Variants in FNDC3B observed in about 807,000 individuals in gnomAD.
FNDC3B encodes the protein fibronectin type III domain-containing protein 3B.
In FNDC3B, 12 loss-of-function variants were observed where a neutral mutation model predicts 151.5. The ratio of observed to expected loss-of-function variants is 0.08; its 90% CI spans 0.05 to 0.13. FNDC3B has a LOEUF of 0.13. Ranked by LOEUF, FNDC3B falls within the 10% of genes least tolerant of loss-of-function variation. The pLI, the probability that FNDC3B is intolerant of heterozygous loss-of-function variation, is 1.00. For synonymous variants in FNDC3B, 528 were observed against 549.0 expected (o/e 0.96, Z 0.54); for missense variants, 1,214 against 1,505.3 (o/e 0.81, Z 3.20).
chr3:172,177,328 C>T (rs1723646048), intron 3 of FNDC3B, among the ~76,000 whole-genome samples: 1 of 152,210 alleles, frequency 6.6e-6, no homozygotes, highest in Non-Finnish European at 1.5e-5. Flanking sequence ...TTTTAACAGA[C>T]TCCTTGGGCA....
chr3:172,258,925 C>T (rs998436039), intron 6 of FNDC3B, among the ~76,000 whole-genome samples: 3 of 152,192 alleles, frequency 2.0e-5, no homozygotes, highest in African/African-American at 7.2e-5. Context: ...ATATCCTAGG[C>T]ATGCTCAGAC....
rs1229327690 is a variant in FNDC3B at position 172,399,364 on chromosome 3, A to G, written c.*1889A>G. 1.3e-5 allele frequency: 2 copies of G among 152,588 alleles called. No individual in the cohort carries two copies. The highest frequency in any genetic ancestry group is 4.8e-5 in the African/African-American group (2 of 41,424). 9.5% of individuals were successfully genotyped at this position (152,588 alleles called of 1,614,324 possible). Reference sequence around the variant, plus strand: ...TCTGACATTTTCTTATGTTTTTAAAAAGATAAGAGCATCTAGTGCATTAAA... The same window carrying G: ...TCTGACATTTTCTTATGTTTTTAAAGAGATAAGAGCATCTAGTGCATTAAA... On this transcript the variant is annotated 3_prime_UTR_variant, in exon 26 of 26. Transcript: ENST00000415807.
intron 1 of FNDC3B, among the ~76,000 whole-genome samples, chr3:172,098,564 A>C (rs894538317): frequency 2.0e-5 from 3 of 152,224 alleles, no homozygotes; most frequent in Non-Finnish European, 4.4e-5. Flanking sequence ...CAATGTTAAC[A>C]CCTTTCAGTT....
At chr3:172,388,732 G>A (rs1735854934) in intron 25 of FNDC3B, among the ~76,000 whole-genome samples, 1 of 152,148 alleles carries the variant, frequency 6.6e-6, no homozygotes, top group African/African-American at 2.4e-5. Flanking sequence ...AGCATCATGG[G>A]GCTCCCCTTC....
chr3:172,379,320 A>C (rs181655234), intron 24 of FNDC3B, among the ~76,000 whole-genome samples: 73 of 152,346 alleles, frequency 4.8e-4, no homozygotes, highest in African/African-American at 1.7e-3. Flanking sequence ...AATAACCCTA[A>C]GGCTGACAGA....
chr3:172,084,324 G>T (rs1392256388), intron 1 of FNDC3B, among the ~76,000 whole-genome samples: 1 of 152,036 alleles, frequency 6.6e-6, no homozygotes, highest in South Asian at 2.1e-4. Flanking sequence ...GGTGGTGCAC[G>T]CTTGTAGGCC....
At chr3:172,073,069 A>G (rs1313303265) in intron 1 of FNDC3B, among the ~76,000 whole-genome samples, 2 of 152,226 alleles carry the variant, frequency 1.3e-5, no homozygotes, top group Admixed American at 6.5e-5. Context: ...CCCTGCAGAC[A>G]TAATTAAACA....
At chr3:172,337,903 C>G (rs915351244) in intron 16 of FNDC3B, 1 of 157,130 alleles carries the variant, frequency 6.4e-6, no homozygotes, top group Admixed American at 6.3e-5. Context: ...ACCTTGGCCT[C>G]CCAAAGTGCT....
intron 23 of FNDC3B, among the ~76,000 whole-genome samples, chr3:172,376,860 AAAAAAGAAAG>A (rs1010506101): frequency 6.3e-5 from 9 of 141,884 alleles, no homozygotes; most frequent in South Asian, 2.2e-4. Context: ...AAAAAAAAAA[AAAAAAGAAAG>A]AAAAGAAAAG....
At chr3:172,218,562 A>G (rs1342692462) in intron 3 of FNDC3B, among the ~76,000 whole-genome samples, 1 of 152,176 alleles carries the variant, frequency 6.6e-6, no homozygotes, top group African/African-American at 2.4e-5. Flanking sequence ...TTTTTCTTCT[A>G]CTGGGGCAGT....
At chr3:172,068,684 C>CA (rs1717624834) in intron 1 of FNDC3B, among the ~76,000 whole-genome samples, 1 of 152,142 alleles carries the variant, frequency 6.6e-6, no homozygotes, top group Non-Finnish European at 1.5e-5. Flanking sequence ...CTCGGCCTCC[C>CA]AAAATGCTGG....
intron 25 of FNDC3B, among the ~76,000 whole-genome samples, chr3:172,393,233 G>C (rs960856984): frequency 1.3e-5 from 2 of 152,050 alleles, no homozygotes; most frequent in Admixed American, 1.3e-4. Context: ...AGAAAGCAGG[G>C]ATAGCTAAAC....
chr3:172,360,016 A>G (rs1179058889), intron 22 of FNDC3B, among the ~76,000 whole-genome samples: 1 of 152,184 alleles, frequency 6.6e-6, no homozygotes, highest in African/African-American at 2.4e-5. Context: ...GAGTAAATAA[A>G]TACCTGGGAT....
At chr3:172,044,433 T>C (rs1322556663) in intron 1 of FNDC3B, among the ~76,000 whole-genome samples, 1 of 152,202 alleles carries the variant, frequency 6.6e-6, no homozygotes, top group Non-Finnish European at 1.5e-5. Flanking sequence ...GGTACTGTCC[T>C]GGGATAATTG....
intron 4 of FNDC3B, among the ~76,000 whole-genome samples, chr3:172,241,678 G>C (rs776950775): frequency 3.9e-5 from 6 of 152,064 alleles, no homozygotes; most frequent in South Asian, 2.1e-4. Context: ...CCATGATTCA[G>C]TTACCTCCCA....
chr3:172,136,382 G>A (rs1209276606), intron 3 of FNDC3B, among the ~76,000 whole-genome samples: 1 of 152,188 alleles, frequency 6.6e-6, no homozygotes, highest in Non-Finnish European at 1.5e-5. Flanking sequence ...GATGCAGGGA[G>A]TATTGGTTTA....
chr3:172,223,587 A>G (rs1483278360), intron 3 of FNDC3B, among the ~76,000 whole-genome samples: 1 of 152,198 alleles, frequency 6.6e-6, no homozygotes, highest in Non-Finnish European at 1.5e-5. Flanking sequence ...TTTGCATGGT[A>G]TACGTTTTGG....
intron 9 of FNDC3B, chr3:172,301,653 G>C (rs1405939523): frequency 1.3e-5 from 2 of 152,208 alleles, no homozygotes; most frequent in African/African-American, 2.4e-5. Context: ...GAGCCCAGGA[G>C]TTCAAGACTA....
rs200953722 is a variant in FNDC3B at position 172,226,901 on chromosome 3, A to G, written c.218A>G (p.Asn73Ser). 7.4e-6 allele frequency: 12 copies of G among 1,613,278 alleles called. No individual in the cohort carries two copies. The highest frequency in any genetic ancestry group is 4.0e-5 in the African/African-American group (3 of 75,036). The change falls in exon 4 of 26, where the codon AAT becomes AGT. Residue 73 changes from asparagine to serine, a missense_variant. Asn to Ser is a conservative substitution (Grantham distance 46). Around this residue, in one of 7 missense-constraint regions of FNDC3B, gnomAD observed 113 missense variants for 177.8 expected, o/e 0.64. Coordinates refer to ENST00000415807, the MANE Select transcript of FNDC3B (RefSeq NM_022763.4). ...GCTGAAGTTCCCATGATGTCACCCA[A>G]TGGATCCATTCCTCCCATTCATGTG... ...GPAEVPMMSP[N>S]GSIPPIHVPP...
Sources: gnomAD v4.1 joint callset for allele counts (sites outside exome capture counted in the v4.1 genomes callset) on GRCh38, gnomAD v4.1.1 for gene constraint, gnomAD v4.1.1 regional missense constraint, MANE v1.5 for transcripts, NCBI Gene and HGNC (gene_info 2026-07-23, HGNC 2026-07-21) for gene names.